SBNO1: variants seen among roughly 807,000 people sequenced by gnomAD.
SBNO1 encodes strawberry notch homolog 1, also known as protein strawberry notch homolog 1.
In SBNO1, 23 loss-of-function variants were observed where a neutral mutation model predicts 173.6. The observed-to-expected ratio is 0.13, with a 90% CI of 0.10 to 0.19. The LOEUF (loss-of-function observed/expected upper bound fraction) is 0.19. SBNO1 is among the 10% of genes least tolerant of loss of function. The pLI is 1.00. For synonymous variants in SBNO1, 632 were observed against 571.5 expected, an observed-to-expected ratio of 1.11 and a Z score of -1.51; for missense variants, 1,238 against 1,671.2, an observed-to-expected ratio of 0.74 and a Z score of 4.52.
rs1327348556 is a variant in SBNO1 at position 123,345,342 on chromosome 12, C to G, written c.466G>C (p.Asp156His). 3 of 1,614,148 alleles carry G rather than the reference C, an allele frequency of 1.9e-6. No homozygotes were observed. The highest frequency in any genetic ancestry group is 2.5e-6 in the Non-Finnish European group (3 of 1,180,000). The part of the protein sequence containing the change: ...APSKDQVQLK[D>H]LLKNNSLNEL... ...TTAAGACTATTATTTTTCAGTAGATCTTTAAGCTGAACTTGGTCTTTTGAA... is the reference window on the plus strand; with the variant it reads ...TTAAGACTATTATTTTTCAGTAGATGTTTAAGCTGAACTTGGTCTTTTGAA... Residue 156 changes from aspartate (D) to histidine (H), a missense_variant, in exon 4 of 32, where the codon GAT becomes CAT. Physicochemically the swap from Asp to His is moderately conservative, Grantham distance 81 (BLOSUM62 -1). Around this residue, in one of 14 missense-constraint regions of SBNO1, gnomAD observed 287 missense variants for 274.1 expected, o/e 1.05. Transcript: ENST00000602398.
chr12:123,303,944 T>TG (rs2048853843), intron 29 of SBNO1, among the ~76,000 whole-genome samples: 1 of 139,588 alleles, frequency 7.2e-6, no homozygotes, highest in African/African-American at 2.6e-5. Context: ...TTTTTTTTTT[T>TG]GAGACGGAGT....
rs2048999365 is a variant in SBNO1 at position 123,309,321 on chromosome 12, A to C, written c.3619T>G (p.Leu1207Val). 3 of 1,613,736 alleles carry C rather than the reference A, an allele frequency of 1.9e-6. No individual in the cohort carries two copies. The highest frequency in any genetic ancestry group is 2.7e-5 in the African/African-American group (2 of 75,060). ...ELTGPDDGFY[L>V]SLQIRNNKKT... Reference sequence around the variant, plus strand: ...AGGAAAAGTCGTACTTGCAATGACAAGTAAAAGCCATCGTCTGGTCCTGTC... The same window carrying C: ...AGGAAAAGTCGTACTTGCAATGACACGTAAAAGCCATCGTCTGGTCCTGTC... Residue 1207 changes from leucine to valine, a missense_variant, in exon 28 of 32, where the codon TTG (leucine) becomes GTG (valine). Leu to Val is a conservative substitution (Grantham distance 32). Around this residue, in one of 14 missense-constraint regions of SBNO1, gnomAD observed 351 missense variants for 420.3 expected, o/e 0.84. Coordinates refer to ENST00000602398, the MANE Select transcript of SBNO1 (RefSeq NM_001167856.3).
chr12:123,334,126 G>A lies in SBNO1; in HGVS notation c.836C>T (p.Ser279Phe). 1 of 1,606,948 alleles carries A rather than the reference G, an allele frequency of 6.2e-7. No homozygotes were observed. Among genetic ancestry groups the A allele is most frequent in the Non-Finnish European group, 8.5e-7 (1 of 1,177,032 alleles). ...VTPPDVWYKTSISEETIDNGW... is the reference protein window; with the variant it reads ...VTPPDVWYKTFISEETIDNGW... ...ATTATCAATGGTTTCCTCAGAAATG[G>A]ATGTTTTGTACCAAACATCAGGAGG... Residue 279 changes from serine (S) to phenylalanine (F), a missense_variant, in exon 7 of 32, where the codon TCC becomes TTC. Ser to Phe is a radical substitution (Grantham distance 155, BLOSUM62 -2). Transcript: ENST00000602398.
At position 123,320,477 on chromosome 12, in the gene SBNO1, C is replaced by T; in HGVS notation, c.2622G>A (p.Leu874=). 6.2e-7 allele frequency: 1 copy of T among 1,613,902 alleles called. No homozygotes were observed. Among genetic ancestry groups the T allele is most frequent in the Non-Finnish European group, 8.5e-7 (1 of 1,179,930 alleles). Residue 874 remains leucine (L), a synonymous_variant, in exon 19 of 32, where the codon CTG becomes CTA. Transcript: ENST00000602398. Reference sequence around the variant, plus strand: ...CACCAAGTTCATCGATAAGTTCATCCAGGGTATTAGGGGGGAGGTCTTCAG... The same window carrying T: ...CACCAAGTTCATCGATAAGTTCATCTAGGGTATTAGGGGGGAGGTCTTCAG... ...KLAEDLPPNT[L]DELIDELGGP... is the part of the protein sequence containing the mutation.
At chr12:123,315,705 G>T in intron 21 of SBNO1, 45 bp from the exon 22 acceptor site, 1 of 1,051,140 alleles carries the variant, frequency 9.5e-7, no homozygotes, top group Non-Finnish European at 1.5e-6. Flanking sequence ...GTGTTCGCTG[G>T]ACAGAGAATA....
At chr12:123,312,519 C>A (rs555148345) in intron 24 of SBNO1, among the ~76,000 whole-genome samples, 1 of 151,962 alleles carries the variant, frequency 6.6e-6, no homozygotes, top group African/African-American at 2.4e-5. Context: ...CAAGACCAGC[C>A]TGGTCAACAT....
chr12:123,349,984 T>A (rs1292974171), intron 2 of SBNO1, among the ~76,000 whole-genome samples: 3 of 152,006 alleles, frequency 2.0e-5, no homozygotes, highest in Non-Finnish European at 4.4e-5. Flanking sequence ...TGGGCCAAGC[T>A]TGGCTCGCAC....
At chr12:123,336,295 G>C (rs1040696959) in intron 6 of SBNO1, 100 bp downstream of exon 6, 7 of 811,436 alleles carry the variant, frequency 8.6e-6, no homozygotes, top group Non-Finnish European at 1.4e-5. Flanking sequence ...TTGACCTAAA[G>C]CAAGATTCTA....
intron 5 of SBNO1, among the ~76,000 whole-genome samples, chr12:123,339,912 T>C (rs926089798): frequency 6.6e-6 from 1 of 152,024 alleles, no homozygotes; most frequent in African/African-American, 2.4e-5. Flanking sequence ...ACTCACTACC[T>C]CCCCTCTGTG....
rs567028228 is a variant in SBNO1 at position 123,319,832 on chromosome 12, C to G, written c.2799+68G>C. Reference sequence around the variant, plus strand: ...GACTTATATTAAAAGGAAAAAGACTCTTCTAAAGCTTAATCTAAATATACA... The same window carrying G: ...GACTTATATTAAAAGGAAAAAGACTGTTCTAAAGCTTAATCTAAATATACA... On this transcript the variant is annotated intron_variant, in intron 20 of 31. Coordinates refer to ENST00000602398, the MANE Select transcript of SBNO1 (RefSeq NM_001167856.3). The G allele has an allele frequency of 2.6e-5, 37 of 1,424,068 alleles. No homozygotes were observed. In the East Asian group the frequency reaches 3.9e-4, roughly 15 times the overall value. The allele number at this position is 1,424,068 out of a possible 1,614,324, so 88.2% of individuals were successfully genotyped here.
At chr12:123,315,689 T>A in intron 21 of SBNO1, 29 bp from the exon 22 acceptor site, 1 of 1,259,058 alleles carries the variant, frequency 7.9e-7, no homozygotes, top group Non-Finnish European at 1.2e-6. Flanking sequence ...TTAAAGATCA[T>A]TGATTGTGTT....
chr12:123,331,591 G>T (rs573386956), intron 7 of SBNO1, among the ~76,000 whole-genome samples: 35 of 152,078 alleles, frequency 2.3e-4, no homozygotes, highest in Non-Finnish European at 4.4e-4. Flanking sequence ...GCGCGATCTT[G>T]GCTCACTGCA....
chr12:123,348,191 A>T, intron 2 of SBNO1, 58 bp from the exon 3 acceptor site: 1 of 976,180 alleles, frequency 1.0e-6, no homozygotes, highest in Non-Finnish European at 1.6e-6. Flanking sequence ...TTCTGTTTCA[A>T]GGACAAGGTT....
chr12:123,338,353 G>GACC (rs1872106130), intron 5 of SBNO1, among the ~76,000 whole-genome samples: 1 of 151,846 alleles, frequency 6.6e-6, no homozygotes. Flanking sequence ...AGGAGTTCAA[G>GACC]ACCAGCCTGG....
chr12:123,326,941 A>C (rs1858176225), intron 13 of SBNO1, among the ~76,000 whole-genome samples: 1 of 151,948 alleles, frequency 6.6e-6, no homozygotes, highest in African/African-American at 2.4e-5. Context: ...AAAAACAAAA[A>C]CAAAAAAAAA....
intron 28 of SBNO1, 94 bp from the exon 29 acceptor site, chr12:123,304,813 G>T: frequency 1.2e-6 from 1 of 867,148 alleles, no homozygotes; most frequent in Non-Finnish European, 1.8e-6. Context: ...AATCATTTGA[G>T]ACTATAACAC....
At chr12:123,338,400 A>C (rs2139029398) in intron 5 of SBNO1, among the ~76,000 whole-genome samples, 1 of 152,132 alleles carries the variant, frequency 6.6e-6, no homozygotes, top group South Asian at 2.1e-4. Context: ...TAAAAAATAC[A>C]GGCCAGGCAC....
chr12:123,323,455 C>A (rs1033904349), intron 16 of SBNO1, among the ~76,000 whole-genome samples: 5 of 151,982 alleles, frequency 3.3e-5, no homozygotes, highest in Admixed American at 2.6e-4. Context: ...CCTGGGTTCA[C>A]GACATTCTCC....
At chr12:123,334,673 A>T (rs746007214) in intron 6 of SBNO1, among the ~76,000 whole-genome samples, 4 of 152,176 alleles carry the variant, frequency 2.6e-5, no homozygotes, top group African/African-American at 7.2e-5. Flanking sequence ...GTGCCACTGC[A>T]CTCCAGCCTG....
Sources: allele counts gnomAD v4.1 joint callset (sites outside exome capture counted in the v4.1 genomes callset), GRCh38; gene constraint gnomAD v4.1.1; regional missense constraint gnomAD v4.1.1; transcripts MANE v1.5; gene names NCBI Gene and HGNC (gene_info 2026-07-23, HGNC 2026-07-21).